The following MYOM2 variants were observed in gnomAD, a reference collection of about 807,000 sequenced individuals.
MYOM2 encodes myomesin 2.
MYOM2 carries 254 observed loss-of-function variants against 187.6 expected under a neutral mutation model. The observed-to-expected ratio is 1.35, with a 90% CI of 1.22 to 1.50. The LOEUF is 1.50. MYOM2 is among the 40% of genes most tolerant of loss of function. The pLI, the probability that MYOM2 is intolerant of heterozygous loss-of-function variation, is 0.00. For synonymous variants in MYOM2, 981 were observed against 753.8 expected (o/e 1.30, Z -4.94); for missense variants, 2,796 against 1,924.0 (o/e 1.45, Z -8.48).
chr8:2,108,684 T>C (rs1048614388), intron 23 of MYOM2, 102 bp from the exon 24 acceptor site: 2 of 1,101,770 alleles, frequency 1.8e-6, no homozygotes, highest in African/African-American at 3.1e-5. Context: ...TCCAATTAAA[T>C]CCTGGGGGTT....
chr8:2,118,077 G>T, intron 28 of MYOM2, 125 bp downstream of exon 28: 1 of 750,428 alleles, frequency 1.3e-6, no homozygotes, highest in Non-Finnish European at 2.2e-6. Flanking sequence ...TGCCTGTGTA[G>T]CTGCGGATGG....
chr8:2,088,411 G>C (rs1223146504), intron 14 of MYOM2, among the ~76,000 whole-genome samples: 1 of 152,216 alleles, frequency 6.6e-6, no homozygotes, highest in African/African-American at 2.4e-5. Context: ...CACCCCATAG[G>C]TGGTTTTTCA....
At chr8:2,139,589 G>A (rs543392867) in intron 32 of MYOM2, among the ~76,000 whole-genome samples, 9 of 152,316 alleles carry the variant, frequency 5.9e-5, no homozygotes, top group Non-Finnish European at 2.9e-5. Flanking sequence ...AAGGAAAGAT[G>A]CCACAAGCAC....
At position 2,072,324 on chromosome 8, in the gene MYOM2, GCCTCCATCGTTTCTGTGCAGTGC is replaced by G. The variant is rs1819255701; in HGVS notation, c.794-18_798del. 1 of 1,605,596 alleles carries G rather than the reference GCCTCCATCGTTTCTGTGCAGTGC, an allele frequency of 6.2e-7. No homozygotes were observed. The highest frequency in any genetic ancestry group is 8.5e-7 in the Non-Finnish European group (1 of 1,178,298). ...TGCTCTCTGCCCTTCGGCCCTGAAA[GCCTCCATCGTTTCTGTGCAGTGC>G]CCCTGTCATCGATGATTCCGTACAC... On this transcript the variant is annotated splice_acceptor_variant and splice_polypyrimidine_tract_variant and coding_sequence_variant and intron_variant, in exon 9 of 37. Coordinates refer to ENST00000262113, the MANE Select transcript of MYOM2 (RefSeq NM_003970.4). LOFTEE classifies it high-confidence loss of function.
At chr8:2,134,641 C>G (rs1798004626) in intron 32 of MYOM2, among the ~76,000 whole-genome samples, 1 of 152,136 alleles carries the variant, frequency 6.6e-6, no homozygotes, top group African/African-American at 2.4e-5. Flanking sequence ...TGTGCATCTC[C>G]TCATTCAGCT....
intron 15 of MYOM2, among the ~76,000 whole-genome samples, 157 bp from the exon 16 acceptor site, chr8:2,092,189 C>T (rs1020270393): frequency 1.3e-4 from 19 of 151,780 alleles, no homozygotes; most frequent in African/African-American, 4.6e-4. Flanking sequence ...GGTGGTCGGC[C>T]CGGGGCTCCT....
chr8:2,075,421 G>A (rs1425977179), intron 10 of MYOM2, among the ~76,000 whole-genome samples: 1 of 152,174 alleles, frequency 6.6e-6, no homozygotes, highest in African/African-American at 2.4e-5. Context: ...TTTTGAATGT[G>A]AGAGGAAACC....
chr8:2,084,229 G>A (rs946167663), intron 13 of MYOM2, among the ~76,000 whole-genome samples: 6 of 152,188 alleles, frequency 3.9e-5, no homozygotes, highest in Admixed American at 1.3e-4. Context: ...TGCATTTTCC[G>A]GAGACACACT....
rs770311819 is a variant in MYOM2 at position 2,085,317 on chromosome 8, G to A, written c.1571G>A (p.Arg524Lys). The A allele has an allele frequency of 1.2e-6, 2 of 1,614,182 alleles. No individual in the cohort carries two copies. Among genetic ancestry groups the A allele is most frequent in the East Asian group, 4.5e-5 (2 of 44,882 alleles). ...PTGVHASEIS[R>K]NYVVLSWEPP... ...GGTGTGCACGCTTCCGAGATCAGCAGAAACTATGTCGTCCTCAGCTGGGAG... is the reference window on the plus strand; with the variant it reads ...GGTGTGCACGCTTCCGAGATCAGCAAAAACTATGTCGTCCTCAGCTGGGAG... The change falls in exon 14 of 37, where the codon AGA (arginine) becomes AAA (lysine). Residue 524 changes from arginine to lysine, a missense_variant. Transcript: ENST00000262113.
intron 15 of MYOM2, 148 bp downstream of exon 15, chr8:2,090,339 A>G: frequency 4.5e-6 from 3 of 663,668 alleles, no homozygotes; most frequent in Middle Eastern, 3.9e-4. Context: ...CGAGAGATTA[A>G]GAGCTCTCTG....
chr8:2,121,628 T>C (rs1243235099), intron 28 of MYOM2, among the ~76,000 whole-genome samples: 1 of 152,236 alleles, frequency 6.6e-6, no homozygotes, highest in Non-Finnish European at 1.5e-5. Flanking sequence ...AGATGGTTAT[T>C]TTAAAAATTA....
intron 32 of MYOM2, among the ~76,000 whole-genome samples, chr8:2,138,080 A>G (rs907797781): frequency 2.6e-5 from 4 of 152,202 alleles, no homozygotes; most frequent in African/African-American, 9.7e-5. Flanking sequence ...TGAGTGCTGC[A>G]ATGGCCCATC....
chr8:2,067,113 A>G (rs552538084), intron 6 of MYOM2, among the ~76,000 whole-genome samples: 2 of 152,308 alleles, frequency 1.3e-5, no homozygotes, highest in African/African-American at 2.4e-5. Flanking sequence ...AGTAGATAGC[A>G]CAGTTCTCGG....
In MYOM2 at chr8:2,057,721, G is replaced by C. The variant is rs759735194; in HGVS notation, c.501G>C (p.Glu167Asp). 6.8e-6 allele frequency: 11 copies of C among 1,614,152 alleles called. No homozygotes were observed. Among genetic ancestry groups the C allele is most frequent in the Non-Finnish European group, 9.3e-6 (11 of 1,180,024 alleles). ...LVRLRSHTVW[E>D]RMSVKLCFTV... Reference sequence around the variant, plus strand: ...GGCTGCGATCCCACACCGTCTGGGAGAGGATGTCTGTGAAACTCTGCTTCA... The same window carrying C: ...GGCTGCGATCCCACACCGTCTGGGACAGGATGTCTGTGAAACTCTGCTTCA... The change falls in exon 5 of 37, where the codon GAG (glutamate) becomes GAC (aspartate). Residue 167 changes from glutamate to aspartate, a missense_variant. Coordinates refer to ENST00000262113, the MANE Select transcript of MYOM2 (RefSeq NM_003970.4).
At chr8:2,101,697 T>C (rs1280573929) in intron 20 of MYOM2, among the ~76,000 whole-genome samples, 2 of 152,114 alleles carry the variant, frequency 1.3e-5, no homozygotes, top group Non-Finnish European at 2.9e-5. Flanking sequence ...ATGGGCTATG[T>C]CTGTGTGCTT....
intron 32 of MYOM2, among the ~76,000 whole-genome samples, chr8:2,136,390 T>G (rs73657768): frequency 0.13 from 19,800 of 152,074 alleles, 2,171 homozygotes; most frequent in African/African-American, 0.28. Context: ...GTGCCAGAAG[T>G]GCACCAAGTG....
rs754790407 is a variant in MYOM2, at chr8:2,069,346, A to G, written c.722A>G (p.Asn241Ser). ...AATGCCCACGGACAAGTGTCCACCAACGCGGCGGTGGTGGTGAGAAGTGAG... is the reference window on the plus strand; with the variant it reads ...AATGCCCACGGACAAGTGTCCACCAGCGCGGCGGTGGTGGTGAGAAGTGAG... ...ATNAHGQVSTNAAVVVRRFRG... is the reference protein window; with the variant it reads ...ATNAHGQVSTSAAVVVRRFRG... Residue 241 changes from asparagine (N) to serine (S), a missense_variant, in exon 7 of 37, where the codon AAC becomes AGC. By Grantham distance (46) the Asn-to-Ser change is conservative (BLOSUM62 1). Coordinates refer to ENST00000262113, the MANE Select transcript of MYOM2 (RefSeq NM_003970.4). 1.9e-6 allele frequency: 3 copies of G among 1,613,950 alleles called. No individual in the cohort carries two copies. The highest frequency in any genetic ancestry group is 2.2e-5 in the South Asian group (2 of 91,074).
At chr8:2,144,024 A>G (rs1463598696) in intron 36 of MYOM2, among the ~76,000 whole-genome samples, 4 of 152,236 alleles carry the variant, frequency 2.6e-5, no homozygotes, top group African/African-American at 9.6e-5. Flanking sequence ...AGTGGGTCTA[A>G]CTCAATGTCA....
intron 6 of MYOM2, among the ~76,000 whole-genome samples, chr8:2,066,396 G>A (rs1819021147): frequency 6.6e-6 from 1 of 152,212 alleles, no homozygotes; most frequent in African/African-American, 2.4e-5. Flanking sequence ...TTCCAGCGGT[G>A]CCTGTGGGAG....
Sources: gnomAD v4.1 joint callset for allele counts (sites outside exome capture counted in the v4.1 genomes callset) on GRCh38, gnomAD v4.1.1 for gene constraint, MANE v1.5 for transcripts, NCBI Gene and HGNC (gene_info 2026-07-23, HGNC 2026-07-21) for gene names.